The following PAN3 variants were observed in gnomAD, a reference collection of about 807,000 sequenced individuals.
PAN3 encodes poly(A) specific ribonuclease subunit PAN3.
PAN3 carries 19 observed loss-of-function variants against 96.2 expected under a neutral mutation model. The ratio of observed to expected loss-of-function variants is 0.20; its 90% CI spans 0.14 to 0.29. The LOEUF is 0.29. PAN3 is among the 10% of genes least tolerant of loss of function. PAN3 has a pLI of 1.00. For synonymous variants in PAN3, 433 were observed against 406.6 expected (o/e 1.06, Z -0.78); for missense variants, 882 against 1,108.1 (o/e 0.80, Z 2.90).
At chr13:28,194,744 A>G (rs1192480240) in intron 4 of PAN3, among the ~76,000 whole-genome samples, 1 of 152,090 alleles carries the variant, frequency 6.6e-6, no homozygotes, top group Admixed American at 6.6e-5. Flanking sequence ...TGCTAGGATT[A>G]CAGGCATGAG....
intron 7 of PAN3, among the ~76,000 whole-genome samples, chr13:28,259,190 C>T (rs1039782787): frequency 3.3e-5 from 5 of 151,780 alleles, no homozygotes; most frequent in African/African-American, 4.8e-5. Context: ...TGCAGTGGCA[C>T]GATCTCGGCT....
chr13:28,217,427 T>C (rs1324575879), intron 5 of PAN3, among the ~76,000 whole-genome samples: 3 of 151,694 alleles, frequency 2.0e-5, no homozygotes, highest in African/African-American at 7.3e-5. Context: ...ACCAAAAATA[T>C]AAAAATTAGC....
chr13:28,158,855 G>GT (rs1429224155), intron 1 of PAN3, among the ~76,000 whole-genome samples: 4 of 151,334 alleles, frequency 2.6e-5, no homozygotes, highest in Non-Finnish European at 5.9e-5. Flanking sequence ...TCCAGCCTGG[G>GT]TGACAGAGCA....
At chr13:28,279,919 C>T (rs2138714822) in intron 15 of PAN3, among the ~76,000 whole-genome samples, 2 of 151,838 alleles carry the variant, frequency 1.3e-5, no homozygotes, top group Middle Eastern at 6.8e-3. Flanking sequence ...CCTGCCTCAG[C>T]CTCCTGAGTA....
At chr13:28,139,203 A>G (rs1869248682) in intron 1 of PAN3, 116 bp downstream of exon 1, 1 of 1,159,536 alleles carries the variant, frequency 8.6e-7, no homozygotes, top group East Asian at 3.2e-5. Context: ...CTCACCTCCC[A>G]AGGCGGTCTG....
intron 11 of PAN3, 21 bp from the exon 12 acceptor site, chr13:28,267,279 G>A: frequency 2.5e-6 from 4 of 1,612,488 alleles, no homozygotes; most frequent in Non-Finnish European, 3.4e-6. Flanking sequence ...TCAGTAATGA[G>A]TGTTTGTGTT....
At chr13:28,236,885 TGTTTG>T (rs2138474643) in intron 6 of PAN3, among the ~76,000 whole-genome samples, 1 of 152,318 alleles carries the variant, frequency 6.6e-6, no homozygotes, top group Non-Finnish European at 1.5e-5. Context: ...TGTTTTGTTT[TGTTTG>T]TTTTTCTTAA....
chr13:28,231,734 A>C (rs2138440024), intron 6 of PAN3, among the ~76,000 whole-genome samples: 1 of 152,206 alleles, frequency 6.6e-6, no homozygotes, highest in Non-Finnish European at 1.5e-5. Context: ...CCTGGTCTCA[A>C]AACAAATAAA....
chr13:28,159,813 G>T (rs1408786929), intron 1 of PAN3, among the ~76,000 whole-genome samples: 1 of 151,992 alleles, frequency 6.6e-6, no homozygotes, highest in East Asian at 1.9e-4. Flanking sequence ...TACCCATTGG[G>T]TACCGTGCAT....
Position 28,214,858 on chromosome 13 carries a change from T to C in PAN3, c.853-5373T>C. On this transcript the variant is annotated intron_variant, in intron 5 of 18. Transcript: ENST00000380958. Reference sequence around the variant, plus strand: ...TCTCAGGCTGACTGTGCTGTACTGATTATTGCTGCTGGTGTTGGTGAAATT... The same window carrying C: ...TCTCAGGCTGACTGTGCTGTACTGACTATTGCTGCTGGTGTTGGTGAAATT... The C allele has an allele frequency of 2.2e-5, 16 of 740,492 alleles. No homozygotes were observed. In the South Asian group the frequency reaches 2.2e-4, roughly 10 times the overall value. The allele number at this position is 740,492 out of a possible 1,614,324, so 45.9% of individuals were successfully genotyped here. A position where few individuals can be genotyped will look rare whatever the true frequency, so the allele number is the denominator to read the frequency against.
At chr13:28,198,108 A>G (rs900400840) in intron 5 of PAN3, among the ~76,000 whole-genome samples, 16 of 152,008 alleles carry the variant, frequency 1.1e-4, no homozygotes, top group Admixed American at 1.3e-4. Context: ...CCCCGTCTCT[A>G]CAAATATACA....
intron 5 of PAN3, chr13:28,215,729 C>T: frequency 6.7e-7 from 1 of 1,499,670 alleles, no homozygotes; most frequent in South Asian, 1.2e-5. Context: ...TAGTTCCTGG[C>T]AAGCCCATGT....
At chr13:28,174,146 G>T in intron 1 of PAN3, 126 bp from the exon 2 acceptor site, 1 of 1,001,712 alleles carries the variant, frequency 1.0e-6, no homozygotes, top group South Asian at 1.7e-5. Flanking sequence ...TACCTGTTAT[G>T]AACTGGTAAA....
At chr13:28,257,699 TTATA>T in intron 7 of PAN3, among the ~76,000 whole-genome samples, 1 of 137,746 alleles carries the variant, frequency 7.3e-6, no homozygotes, top group Non-Finnish European at 1.5e-5. Context: ...TAAATATATA[TTATA>T]TATATTATAT....
intron 15 of PAN3, among the ~76,000 whole-genome samples, chr13:28,277,671 ACTT>A (rs1436618422): frequency 4.6e-5 from 7 of 152,238 alleles, no homozygotes; most frequent in African/African-American, 1.7e-4. Context: ...TTTAAAGCTT[ACTT>A]CTTCAATTAC....
intron 1 of PAN3, among the ~76,000 whole-genome samples, chr13:28,164,180 G>A (rs1448116175): frequency 6.6e-6 from 1 of 152,092 alleles, no homozygotes; most frequent in Non-Finnish European, 1.5e-5. Flanking sequence ...TTTAATAACT[G>A]TATAGAGTTA....
intron 1 of PAN3, among the ~76,000 whole-genome samples, chr13:28,144,417 G>A (rs1489886562): frequency 6.6e-6 from 1 of 151,604 alleles, no homozygotes; most frequent in Admixed American, 6.6e-5. Context: ...GGGTTTCACC[G>A]TGTTAGCCAG....
Position 28,292,708 on chromosome 13 carries a change from T to C in PAN3, c.*186T>C, listed in dbSNP as rs1414597314. On this transcript the variant is annotated 3_prime_UTR_variant, in exon 19 of 19. Transcript: ENST00000380958. ...GAATGTTTCACTTACCCAAGAGCTATGGCTGCCATTGGAGGCTGTTATCTG... is the reference window on the plus strand; with the variant it reads ...GAATGTTTCACTTACCCAAGAGCTACGGCTGCCATTGGAGGCTGTTATCTG... 7 of 435,854 alleles carry C rather than the reference T, an allele frequency of 1.6e-5. No homozygotes were observed. Among genetic ancestry groups the C allele is most frequent in the African/African-American group, 6.1e-5 (3 of 49,200 alleles). The allele number at this position is 435,854 out of a possible 1,614,324, so 27.0% of individuals were successfully genotyped here.
intron 5 of PAN3, among the ~76,000 whole-genome samples, chr13:28,200,140 C>CTGTA (rs1309212590): frequency 6.6e-5 from 10 of 152,162 alleles, no homozygotes; most frequent in African/African-American, 2.4e-4. Flanking sequence ...CTTCTATGTG[C>CTGTA]TGTAGCTCTA....
Sources: gnomAD v4.1 joint callset for allele counts (sites outside exome capture counted in the v4.1 genomes callset) on GRCh38, gnomAD v4.1.1 for gene constraint, MANE v1.5 for transcripts, NCBI Gene and HGNC (gene_info 2026-07-23, HGNC 2026-07-21) for gene names.